Variants in KRT73 observed in about 807,000 individuals in gnomAD.
KRT73 encodes the protein keratin 73, also known as keratin, type II cytoskeletal 73.
KRT73 carries 44 observed loss-of-function variants against 47.2 expected under a neutral mutation model. The ratio of observed to expected loss-of-function variants is 0.93; its 90% CI spans 0.73 to 1.20. The LOEUF is 1.20. Ranked by LOEUF, KRT73 falls within the 50% of genes most tolerant of loss-of-function variation. The probability of loss-of-function intolerance (pLI) is 0.00; values close to 1 mark genes in which losing one functional copy is unlikely to be tolerated. For synonymous variants in KRT73, 285 were observed against 291.3 expected (o/e 0.98, Z 0.22); for missense variants, 713 against 704.5 (o/e 1.01, Z -0.14).
chr12:52,621,309 G>A (rs1940902400), upstream of KRT73, among the ~76,000 whole-genome samples: 1 of 149,022 alleles, frequency 6.7e-6, no homozygotes. Context: ...GGGGGAGAGA[G>A]AAAGAGAGAG....
At chr12:52,612,562 C>A (rs1940723964) in intron 5 of KRT73, 1 of 152,176 alleles carries the variant, frequency 6.6e-6, no homozygotes, top group Admixed American at 6.5e-5. Context: ...TTGGTGCCAA[C>A]CCTAAACAAG....
At chr12:52,622,232 G>T (rs1940918812), upstream of KRT73, among the ~76,000 whole-genome samples, 1 of 152,140 alleles carries the variant, frequency 6.6e-6, no homozygotes. Context: ...ATGCTTAAAT[G>T]AACAACTAAG....
In KRT73 at chr12:52,618,075, C is replaced by A; in HGVS notation, c.447+3G>T. 6.2e-7 allele frequency: 1 copy of A among 1,613,334 alleles called. No individual in the cohort carries two copies. The highest frequency in any genetic ancestry group is 8.5e-7 in the Non-Finnish European group (1 of 1,179,702). On this transcript the variant is annotated splice_donor_region_variant and intron_variant, in intron 1 of 8. Transcript: ENST00000305748. ...AAGATCAGCTTTCTCCAGAAAGACC[C>A]ACCTTGTCAATGAAGGAGGCGAACT...
Position 52,618,431 on chromosome 12 carries a change from A to G in KRT73, c.94T>C (p.Tyr32His). The change falls in exon 1 of 9, where the codon TAC becomes CAC. Residue 32 changes from tyrosine to histidine, a missense_variant. Tyr to His is a moderately conservative substitution (Grantham distance 83). Coordinates refer to ENST00000305748, the MANE Select transcript of KRT73 (RefSeq NM_175068.3). ...AVLSGGSSSS[Y>H]RAGGKGLSGG... ...CTGAGCCCTTTGCCCCCTGCTCGGT[A>G]GGAGGATGAGCTGCCCCCTGAGAGC... 2 of 1,614,064 alleles carry G rather than the reference A, an allele frequency of 1.2e-6. No homozygotes were observed. The highest frequency in any genetic ancestry group is 2.7e-5 in the African/African-American group (2 of 75,044).
the KRT73 span, among the ~76,000 whole-genome samples, chr12:52,628,579 T>C: frequency 6.6e-6 from 1 of 152,192 alleles, no homozygotes; most frequent in Admixed American, 6.5e-5. Context: ...TGAGAATTGA[T>C]AGTAATCATG....
chr12:52,611,054 G>A (rs1940690201), intron 6 of KRT73, 150 bp downstream of exon 6: 3 of 1,081,772 alleles, frequency 2.8e-6, no homozygotes, highest in African/African-American at 3.2e-5. Context: ...CCAAACTTCA[G>A]ATGGGAGCTA....
At chr12:52,628,289 C>T in the KRT73 span, among the ~76,000 whole-genome samples, 1 of 152,188 alleles carries the variant, frequency 6.6e-6, no homozygotes, top group East Asian at 1.9e-4. Flanking sequence ...GAACCCAGCC[C>T]ACCCTCAGGT....
In KRT73 at chr12:52,609,272, T is replaced by G; in HGVS notation, c.1341A>C (p.Gly447=). ...LLEGEECRMS[G]EYTNSVSISV... ...AAATGCTCACGGAGTTGGTATATTCTCCGGACATCCTGCAAGAGAGAAAAG... is the reference window on the plus strand; with the variant it reads ...AAATGCTCACGGAGTTGGTATATTCGCCGGACATCCTGCAAGAGAGAAAAG... Residue 447 remains glycine, a synonymous_variant, in exon 8 of 9, where the codon GGA becomes GGC. Transcript: ENST00000305748. 1 of 1,613,638 alleles carries G rather than the reference T, an allele frequency of 6.2e-7. No homozygotes were observed. The highest frequency in any genetic ancestry group is 8.5e-7 in the Non-Finnish European group (1 of 1,179,606).
chr12:52,621,400 A>T (rs1940905163), upstream of KRT73, among the ~76,000 whole-genome samples: 1 of 152,104 alleles, frequency 6.6e-6, no homozygotes. Flanking sequence ...CCCTATGTGG[A>T]TATTCCACAA....
chr12:52,610,529 G>GGCCCCCC, intron 7 of KRT73, 86 bp downstream of exon 7: 2 of 295,156 alleles, frequency 6.8e-6, no homozygotes, highest in Non-Finnish European at 1.4e-5. Flanking sequence ...CCAGCTCGCC[G>GGCCCCCC]CCCCCTCCCC....
At chr12:52,630,420 G>T in the KRT73 span, among the ~76,000 whole-genome samples, 2 of 152,082 alleles carry the variant, frequency 1.3e-5, no homozygotes, top group African/African-American at 4.8e-5. Flanking sequence ...GCTTGTCCTG[G>T]GCATCTCCGA....
At chr12:52,614,718 C>A in intron 3 of KRT73, 44 bp from the exon 4 acceptor site, 1 of 1,527,484 alleles carries the variant, frequency 6.5e-7, no homozygotes, top group Admixed American at 1.8e-5. Flanking sequence ...TTCTTCAAGC[C>A]CAGACAGGCC....
At chr12:52,623,858 A>G in the KRT73 span, among the ~76,000 whole-genome samples, 49 of 152,090 alleles carry the variant, frequency 3.2e-4, no homozygotes, top group Non-Finnish European at 6.0e-4. Context: ...CATAAATCAA[A>G]ATGGATTCTT....
chr12:52,608,611 G>A (rs1012880991), intron 8 of KRT73, among the ~76,000 whole-genome samples, 159 bp from the exon 9 acceptor site: 9 of 152,264 alleles, frequency 5.9e-5, no homozygotes, highest in East Asian at 1.9e-4. Flanking sequence ...CAACTCAAGC[G>A]CGGGAAGAAT....
upstream of KRT73, among the ~76,000 whole-genome samples, chr12:52,619,799 T>C (rs1940872859): frequency 6.6e-6 from 1 of 152,082 alleles, no homozygotes. Context: ...GTTTCCCAAA[T>C]CCCAAATCCC....
chr12:52,626,799 G>A, the KRT73 span, among the ~76,000 whole-genome samples: 3 of 152,156 alleles, frequency 2.0e-5, no homozygotes, highest in Admixed American at 6.5e-5. Flanking sequence ...GGAAGGCAAC[G>A]CAGCCATAGG....
At position 52,613,811 on chromosome 12, in the gene KRT73, G is replaced by A; in HGVS notation, c.861C>T (p.Ile287=). ...QIQSHISDTS[I]ILSMDNNRNL... Reference sequence around the variant, plus strand: ...TCCGGTTGTTGTCCATGGACAGGATGATGGACGTGTCGCTGATGTGGGACT... The same window carrying A: ...TCCGGTTGTTGTCCATGGACAGGATAATGGACGTGTCGCTGATGTGGGACT... The change falls in exon 5 of 9, where the codon ATC becomes ATT. Residue 287 remains isoleucine, a synonymous_variant. Coordinates refer to ENST00000305748, the MANE Select transcript of KRT73 (RefSeq NM_175068.3). The A allele has an allele frequency of 1.2e-6, 2 of 1,614,146 alleles. No homozygotes were observed. The highest frequency in any genetic ancestry group is 1.7e-6 in the Non-Finnish European group (2 of 1,179,970).
At chr12:52,616,104 A>G in intron 2 of KRT73, 62 bp downstream of exon 2, 1 of 1,594,244 alleles carries the variant, frequency 6.3e-7, no homozygotes, top group East Asian at 2.2e-5. Context: ...CAAACATCCC[A>G]GTGCCTGCTG....
At chr12:52,609,777 C>G (rs1307294250) in intron 7 of KRT73, 3 of 155,730 alleles carry the variant, frequency 1.9e-5, no homozygotes, top group Non-Finnish European at 4.3e-5. Flanking sequence ...TTGACTTGTA[C>G]TGTTAGATAT....
Sources: allele counts gnomAD v4.1 joint callset (sites outside exome capture counted in the v4.1 genomes callset), GRCh38; gene constraint gnomAD v4.1.1; transcripts MANE v1.5; gene names NCBI Gene and HGNC (gene_info 2026-07-23, HGNC 2026-07-21).